The following GRM3 variants were observed in gnomAD, a reference collection of about 807,000 sequenced individuals.
GRM3 encodes metabotropic glutamate receptor 3.
Under a neutral mutation model 70.5 loss-of-function variants are expected in GRM3, and 26 were observed. That is an observed-to-expected ratio of 0.37 (90% CI 0.27 to 0.51). GRM3 has a LOEUF of 0.51. Among genes scored for constraint, GRM3 ranks in the 20% least tolerant of loss-of-function variants. The probability of loss-of-function intolerance (pLI) is 0.93; values close to 1 mark genes in which losing one functional copy is unlikely to be tolerated. For synonymous variants in GRM3, 443 were observed against 434.9 expected, an observed-to-expected ratio of 1.02 and a Z score of -0.23; for missense variants, 859 against 1,123.8, an observed-to-expected ratio of 0.76 and a Z score of 3.37.
chr7:86,796,502 T>C (rs921191770), intron 3 of GRM3, among the ~76,000 whole-genome samples: 5 of 152,152 alleles, frequency 3.3e-5, no homozygotes, highest in Admixed American at 2.0e-4. Flanking sequence ...AGCATCATGC[T>C]GCCACCTTTG....
chr7:86,822,650 T>C (rs1416786657), intron 3 of GRM3, among the ~76,000 whole-genome samples: 1 of 152,182 alleles, frequency 6.6e-6, no homozygotes. Flanking sequence ...GTGGGCCAGA[T>C]TGTGTGGGAC....
intron 1 of GRM3, among the ~76,000 whole-genome samples, chr7:86,756,139 C>A (rs900190962): frequency 1.3e-5 from 2 of 152,068 alleles, no homozygotes; most frequent in Non-Finnish European, 2.9e-5. Context: ...AGTGCAATGG[C>A]GTGATCTTTG....
chr7:86,735,547 A>G (rs1795838661), intron 1 of GRM3, among the ~76,000 whole-genome samples: 2 of 152,200 alleles, frequency 1.3e-5, no homozygotes, highest in African/African-American at 4.8e-5. Context: ...TTTAAAATAT[A>G]TTAATTATAT....
rs1218964086 is a variant in GRM3 at position 86,658,958 on chromosome 7, C to T, written c.-141+14086C>T. On this transcript the variant is annotated intron_variant, in intron 1 of 5. Coordinates refer to ENST00000361669, the MANE Select transcript of GRM3 (RefSeq NM_000840.3). ...GTGTTTTGTTATTCCTCAACCTGTC[C>T]GCATTTTGAAAACATTTTATCTGTT... 6.6e-5 allele frequency among the ~76,000 whole-genome samples: 10 copies of T among 151,810 alleles called. No individual in the cohort carries two copies. The East Asian group carries it at 1.7e-3, about 26-fold the overall frequency.
chr7:86,780,484 C>T (rs527922507), intron 2 of GRM3, among the ~76,000 whole-genome samples: 1 of 152,128 alleles, frequency 6.6e-6, no homozygotes, highest in Non-Finnish European at 1.5e-5. Flanking sequence ...CACCTAAGTC[C>T]TGGATAAATT....
In GRM3 at chr7:86,765,291, A is replaced by C. The variant is rs1175346367; in HGVS notation, c.146A>C (p.Glu49Ala). ...TTAGGGGGCCTGTTTCCTATTAACG[A>C]AAAAGGCACTGGAACTGAAGAATGT... is the stretch of plus-strand genomic sequence containing the variant. ...LVLGGLFPIN[E>A]KGTGTEECGR... The change falls in exon 2 of 6, where the codon GAA (glutamate) becomes GCA (alanine). Residue 49 changes from glutamate (E) to alanine (A), a missense_variant. By Grantham distance (107) the Glu-to-Ala change is moderately radical. Transcript: ENST00000361669. 6.2e-7 allele frequency: 1 copy of C among 1,613,652 alleles called. No homozygotes were observed. Among genetic ancestry groups the C allele is most frequent in the South Asian group, 1.1e-5 (1 of 91,070 alleles).
chr7:86,861,697 A>T (rs1446955884), intron 5 of GRM3, among the ~76,000 whole-genome samples: 1 of 151,916 alleles, frequency 6.6e-6, no homozygotes, highest in Non-Finnish European at 1.5e-5. Context: ...AAAAAGAAGG[A>T]AAAAAAAATT....
chr7:86,859,864 C>T (rs1798922029), intron 5 of GRM3, among the ~76,000 whole-genome samples: 1 of 152,142 alleles, frequency 6.6e-6, no homozygotes, highest in African/African-American at 2.4e-5. Context: ...GTGGATTTTG[C>T]AGAGCAAGAC....
At chr7:86,727,644 A>G (rs992155405) in intron 1 of GRM3, among the ~76,000 whole-genome samples, 20 of 152,334 alleles carry the variant, frequency 1.3e-4, no homozygotes, top group Admixed American at 3.9e-4. Context: ...TGTTTAATAT[A>G]TGAATGAGAA....
At chr7:86,844,943 G>A (rs1158700971) in intron 4 of GRM3, among the ~76,000 whole-genome samples, 1 of 152,008 alleles carries the variant, frequency 6.6e-6, no homozygotes, top group Non-Finnish European at 1.5e-5. Flanking sequence ...AGGCTAGAGG[G>A]CAATGGCGTG....
At chr7:86,645,085 G>A in intron 1 of GRM3, 1 of 346,366 alleles carries the variant, frequency 2.9e-6, no homozygotes, top group South Asian at 2.1e-5. Context: ...GTCTGTGTCT[G>A]GGAGGAGGGA....
At chr7:86,806,605 T>C (rs1342575253) in intron 3 of GRM3, among the ~76,000 whole-genome samples, 10 of 152,278 alleles carry the variant, frequency 6.6e-5, no homozygotes, top group Middle Eastern at 3.4e-3. Flanking sequence ...TGTTTGATTT[T>C]ATTCTTGTAA....
chr7:86,790,342 A>G (rs1277646180), intron 3 of GRM3, among the ~76,000 whole-genome samples: 2 of 152,232 alleles, frequency 1.3e-5, no homozygotes, highest in Non-Finnish European at 2.9e-5. Context: ...TACCTTCAAA[A>G]TAGATCCAGA....
rs1050438629 is a variant in GRM3, at chr7:86,786,668, T to C, written c.876T>C (p.Asn292=). The C allele has an allele frequency of 6.2e-7, 1 of 1,612,136 alleles. No individual in the cohort carries two copies. The highest frequency in any genetic ancestry group is 1.7e-5 in the Admixed American group (1 of 60,008). Residue 292 remains asparagine (N), a synonymous_variant, in exon 3 of 6, where the codon AAT becomes AAC. Transcript: ENST00000361669. This position sits in a 1 kb window ranked among gnomAD's most constrained non-coding sequence, Gnocchi z 6.0. ...RELIAAASRA[N]ASFTWVASDG... ...TCATTGCAGCCGCCAGCCGCGCCAA[T>C]GCCTCCTTCACCTGGGTGGCCAGCG...
chr7:86,701,677 AG>A (rs1419982814), intron 1 of GRM3, among the ~76,000 whole-genome samples: 2 of 151,952 alleles, frequency 1.3e-5, no homozygotes, highest in Non-Finnish European at 1.5e-5. Context: ...TTGACCTTCA[AG>A]TTTCAGACCC....
At chr7:86,726,756 A>C (rs181492031) in intron 1 of GRM3, among the ~76,000 whole-genome samples, 98 of 152,352 alleles carry the variant, frequency 6.4e-4, no homozygotes, top group Admixed American at 1.2e-3. Context: ...TTAACTTCGC[A>C]TTCACTGTTC....
chr7:86,650,156 A>G (rs1793570133), intron 1 of GRM3, among the ~76,000 whole-genome samples: 1 of 152,164 alleles, frequency 6.6e-6, no homozygotes, highest in African/African-American at 2.4e-5. Flanking sequence ...GAACTCTGCT[A>G]TACAAGAACT....
chr7:86,835,156 T>G (rs1184170743), intron 3 of GRM3, among the ~76,000 whole-genome samples: 1 of 152,116 alleles, frequency 6.6e-6, no homozygotes, highest in Non-Finnish European at 1.5e-5. Context: ...TCAGGGGATT[T>G]AATATATGAC....
Position 86,694,287 on chromosome 7 carries a change from A to G in GRM3, c.-141+49415A>G, listed in dbSNP as rs1322027026. Among the ~76,000 whole-genome samples, 3 of 152,144 alleles carry G rather than the reference A, an allele frequency of 2.0e-5. No individual in the cohort carries two copies. The East Asian group carries it at 5.8e-4, about 29-fold the overall frequency. ...ACGCCTGTAATTCCAGCACTTTGGG[A>G]GGCCGAGGCGGGCAGATCACGAGGT... On this transcript the variant is annotated intron_variant, in intron 1 of 5. Coordinates refer to ENST00000361669, the MANE Select transcript of GRM3 (RefSeq NM_000840.3).
Sources: gnomAD v4.1 joint callset for allele counts (sites outside exome capture counted in the v4.1 genomes callset) on GRCh38, gnomAD v4.1.1 for gene constraint, Gnocchi (gnomAD v3.1) non-coding constraint, MANE v1.5 for transcripts, NCBI Gene and HGNC (gene_info 2026-07-23, HGNC 2026-07-21) for gene names.